The following PGGT1B variants were observed in gnomAD, a reference collection of about 807,000 sequenced individuals.
The protein encoded by PGGT1B is geranylgeranyl transferase type-1 subunit beta.
In PGGT1B, 30 loss-of-function variants were observed where a neutral mutation model predicts 46.1. The observed-to-expected ratio is 0.65, with a 90% confidence interval of 0.49 to 0.88. The LOEUF is 0.88. PGGT1B is among the 40% of genes least tolerant of loss of function. The pLI, the probability that PGGT1B is intolerant of heterozygous loss-of-function variation, is 0.00. For synonymous variants in PGGT1B, 170 were observed against 160.0 expected (o/e 1.06, Z -0.47); for missense variants, 376 against 455.9 (o/e 0.82, Z 1.60).
intron 1 of PGGT1B, among the ~76,000 whole-genome samples, chr5:115,256,651 G>A (rs1275829816): frequency 6.6e-6 from 1 of 152,148 alleles, no homozygotes. Flanking sequence ...AATAGTCTGG[G>A]AAACCATTCC....
rs1282116723 is a variant in PGGT1B, at chr5:115,205,571, A to AC, written c.*6830_*6831insG. The AC allele has an allele frequency of 6.6e-6, 1 of 152,146 alleles. No homozygotes were observed. Among genetic ancestry groups the AC allele is most frequent in the Non-Finnish European group, 1.5e-5 (1 of 67,986 alleles). The allele number at this position is 152,146 out of a possible 1,614,324, so 9.4% of individuals were successfully genotyped here. A position where few individuals can be genotyped will look rare whatever the true frequency, so the allele number is the denominator to read the frequency against. On this transcript the variant is annotated 3_prime_UTR_variant, in exon 9 of 9. Coordinates refer to ENST00000419445, the MANE Select transcript of PGGT1B (RefSeq NM_005023.4). ...AGTTACAGTACTGCTACTAACTGTT[A>AC]AAGCTTTATCTTGTGTGAGTTAATT...
Position 115,258,151 on chromosome 5 carries a change from C to T in PGGT1B, c.140+4561G>A, listed in dbSNP as rs150436579. On this transcript the variant is annotated intron_variant, in intron 1 of 8. Coordinates refer to ENST00000419445, the MANE Select transcript of PGGT1B (RefSeq NM_005023.4). ...ACCTACTACAGACTAGATGTCACCA[C>T]AAAAATGAATAAAGCTTCCTAACCT... 9.2e-5 allele frequency among the ~76,000 whole-genome samples: 14 copies of T among 152,318 alleles called. No homozygotes were observed. In the East Asian group the frequency reaches 2.3e-3, roughly 25 times the overall value.
Position 115,236,633 on chromosome 5 carries a change from TTATTCTACTTTTATTATTCAA to T in PGGT1B, c.480-132_480-112del, listed in dbSNP as rs1319627385. The T allele has an allele frequency of 2.1e-4, 121 of 569,180 alleles. 1 individual carries two copies. The highest frequency in any genetic ancestry group is 3.4e-4 in the Non-Finnish European group (114 of 335,764). 35.3% of individuals were successfully genotyped at this position (569,180 alleles called of 1,614,324 possible). A position where few individuals can be genotyped will look rare whatever the true frequency, so the allele number is the denominator to read the frequency against. On this transcript the variant is annotated intron_variant, in intron 4 of 8. Transcript: ENST00000419445. ...CTTTACTAACAGAAAAATCTGTTGA[TTATTCTACTTTTATTATTCAA>T]TATTCTACTTTTATTATTCAATAAA... is the stretch of plus-strand genomic sequence containing the variant.
At chr5:115,257,710 A>G (rs1248671656) in intron 1 of PGGT1B, among the ~76,000 whole-genome samples, 2 of 152,130 alleles carry the variant, frequency 1.3e-5, no homozygotes, top group African/African-American at 4.8e-5. Context: ...TCCTTTACCA[A>G]GTGTCTTAAA....
chr5:115,223,165 G>A (rs1481536741), intron 6 of PGGT1B, among the ~76,000 whole-genome samples: 15 of 151,976 alleles, frequency 9.9e-5, no homozygotes, highest in Non-Finnish European at 1.8e-4. Context: ...GGATGGGGGC[G>A]GTAGGAAAGA....
Position 115,261,562 on chromosome 5 carries a change from C to T in PGGT1B, c.140+1150G>A, listed in dbSNP as rs145204565. Among the ~76,000 whole-genome samples, 550 of 152,244 alleles carry T rather than the reference C, an allele frequency of 3.6e-3. 3 individuals carry two copies. The highest frequency in any genetic ancestry group is 6.7e-3 in the Non-Finnish European group (456 of 68,016). ...TTTAATTAATTCAAATCAAAATAGC[C>T]AAATGTGGCTAGTGGCTACCAGATT... On this transcript the variant is annotated intron_variant, in intron 1 of 8. Coordinates refer to ENST00000419445, the MANE Select transcript of PGGT1B (RefSeq NM_005023.4).
intron 3 of PGGT1B, among the ~76,000 whole-genome samples, chr5:115,239,269 C>G (rs7711888): frequency 6.6e-6 from 1 of 152,100 alleles, no homozygotes; most frequent in Non-Finnish European, 1.5e-5. Context: ...GTCTCAAACT[C>G]CTGAGATCAA....
In PGGT1B at chr5:115,222,610, C is replaced by T. The variant is rs151285478; in HGVS notation, c.659-602G>A. 5.0e-3 allele frequency among the ~76,000 whole-genome samples: 758 copies of T among 152,236 alleles called. 6 individuals carry two copies. Among genetic ancestry groups the T allele is most frequent in the African/African-American group, 0.017 (707 of 41,538 alleles). ...GAACTAGAAATACCATTTGACCCAGCGATCCCATTACTGGGTATATACCCA... is the reference window on the plus strand; with the variant it reads ...GAACTAGAAATACCATTTGACCCAGTGATCCCATTACTGGGTATATACCCA... On this transcript the variant is annotated intron_variant, in intron 6 of 8. Transcript: ENST00000419445.
chr5:115,248,145 T>C (rs1747933099), intron 2 of PGGT1B, among the ~76,000 whole-genome samples: 2 of 152,190 alleles, frequency 1.3e-5, no homozygotes. Context: ...TCCAAACACT[T>C]AATCCTAATA....
chr5:115,262,426 A>C, intron 1 of PGGT1B: 1 of 426,724 alleles, frequency 2.3e-6, no homozygotes, highest in South Asian at 3.2e-5. Flanking sequence ...AGGCAAAGTG[A>C]CAGGCTATGG....
At chr5:115,230,201 T>A (rs978898731) in intron 6 of PGGT1B, among the ~76,000 whole-genome samples, 1 of 151,786 alleles carries the variant, frequency 6.6e-6, no homozygotes, top group Non-Finnish European at 1.5e-5. Context: ...GTCACTCAGT[T>A]GGTGTCAGGG....
At chr5:115,238,925 A>T (rs1757268254) in intron 3 of PGGT1B, among the ~76,000 whole-genome samples, 1 of 152,158 alleles carries the variant, frequency 6.6e-6, no homozygotes, top group Non-Finnish European at 1.5e-5. Context: ...ACCACCCATG[A>T]ATCGTAAGAT....
intron 6 of PGGT1B, 66 bp from the exon 7 acceptor site, chr5:115,222,074 G>C: frequency 1.1e-6 from 1 of 903,670 alleles, no homozygotes; most frequent in Non-Finnish European, 1.6e-6. Flanking sequence ...AGTACAAAAT[G>C]TTCAAGGGGA....
At chr5:115,262,548 C>G in intron 1 of PGGT1B, 164 bp downstream of exon 1, 1 of 722,486 alleles carries the variant, frequency 1.4e-6, no homozygotes, top group Non-Finnish European at 2.3e-6. Flanking sequence ...TCCCACCGTA[C>G]GGCGGGAGAG....
Position 115,206,844 on chromosome 5 carries a change from G to A in PGGT1B, c.*5558C>T, listed in dbSNP as rs1756080750. 2 of 151,648 alleles carry A rather than the reference G, an allele frequency of 1.3e-5. No homozygotes were observed. The allele number at this position is 151,648 out of a possible 1,614,324, so 9.4% of individuals were successfully genotyped here. ...AGGATTTAGAGTATGTTTTAGTGTC[G>A]GATATGGCTGGTCCCCTCTAATTCT... is the stretch of plus-strand genomic sequence containing the variant. On this transcript the variant is annotated 3_prime_UTR_variant, in exon 9 of 9. Coordinates refer to ENST00000419445, the MANE Select transcript of PGGT1B (RefSeq NM_005023.4).
At chr5:115,242,357 G>A (rs1346515897) in intron 2 of PGGT1B, among the ~76,000 whole-genome samples, 1 of 152,098 alleles carries the variant, frequency 6.6e-6, no homozygotes, top group African/African-American at 2.4e-5. Flanking sequence ...TATGATAGAT[G>A]CAGAAAATAA....
At position 115,236,390 on chromosome 5, in the gene PGGT1B, C is replaced by A. The variant is rs777615404; in HGVS notation, c.612G>T (p.Met204Ile). 3.1e-6 allele frequency: 5 copies of A among 1,591,348 alleles called. No individual in the cohort carries two copies. The highest frequency in any genetic ancestry group is 4.3e-6 in the Non-Finnish European group (5 of 1,171,530). ...KKAITYIRRSMSYDNGLAQGA... is the reference protein window; with the variant it reads ...KKAITYIRRSISYDNGLAQGA... ...AGTCAATTTTATCAACAGAACTCACCATACTCCTTCTAATATAGGTGATGG... is the reference window on the plus strand; with the variant it reads ...AGTCAATTTTATCAACAGAACTCACAATACTCCTTCTAATATAGGTGATGG... The change falls in exon 5 of 9, where the codon ATG (methionine) becomes ATT (isoleucine). Residue 204 changes from methionine to isoleucine, a missense_variant and splice_region_variant. Physicochemically the swap from Met to Ile is conservative, Grantham distance 10. Coordinates refer to ENST00000419445, the MANE Select transcript of PGGT1B (RefSeq NM_005023.4).
In PGGT1B at chr5:115,262,815, C is replaced by T. The variant is rs1388605228; in HGVS notation, c.37G>A (p.Gly13Ser). Residue 13 changes from glycine (G) to serine (S), a missense_variant, in exon 1 of 9, where the codon GGT becomes AGT. Around this residue, in one of 2 missense-constraint regions of PGGT1B, gnomAD observed 154 missense variants for 142.3 expected, o/e 1.08. Transcript: ENST00000419445. ...AAGAAATCCAGCCGCTCTCCCTCAC[C>T]GCTCCCTGCTAGCCTCTCATCCTCA... ...ATEDERLAGS[G>S]EGERLDFLRD... 1 of 1,612,672 alleles carries T rather than the reference C, an allele frequency of 6.2e-7. No individual in the cohort carries two copies. The highest frequency in any genetic ancestry group is 8.5e-7 in the Non-Finnish European group (1 of 1,179,916).
chr5:115,240,746 G>A (rs774800744), intron 3 of PGGT1B, among the ~76,000 whole-genome samples: 1 of 152,172 alleles, frequency 6.6e-6, no homozygotes, highest in Non-Finnish European at 1.5e-5. Flanking sequence ...CCTTGCAAGT[G>A]GATACTCAGC....
Sources: allele counts gnomAD v4.1 joint callset (sites outside exome capture counted in the v4.1 genomes callset), GRCh38; gene constraint gnomAD v4.1.1; regional missense constraint gnomAD v4.1.1; transcripts MANE v1.5; gene names NCBI Gene and HGNC (gene_info 2026-07-23, HGNC 2026-07-21).